Variants in GRIK2 observed in about 807,000 individuals in gnomAD.
The protein encoded by GRIK2 is glutamate receptor ionotropic, kainate 2.
Under a neutral mutation model 100.3 loss-of-function variants are expected in GRIK2, and 32 were observed. The observed-to-expected ratio is 0.32, with a 90% confidence interval of 0.24 to 0.43. The LOEUF (loss-of-function observed/expected upper bound fraction) is 0.43, where lower values mean the gene tolerates loss of function less well. Among genes scored for constraint, GRIK2 ranks in the 20% least tolerant of loss-of-function variants. The pLI is 1.00. For missense variants in GRIK2, 843 were observed against 1,114.9 expected (o/e 0.76, Z 3.47); for synonymous variants, 417 against 389.4 (o/e 1.07, Z -0.83).
rs534932642 is a variant in GRIK2, at chr6:101,746,550, C to T, written c.952-53098C>T. 7.4e-4 allele frequency among the ~76,000 whole-genome samples: 113 copies of T among 152,224 alleles called. 2 individuals carry two copies. In the South Asian group the frequency reaches 0.022, roughly 30 times the overall value. ...CCATGTTGGCCAGGCTGGTCTTGAA[C>T]TCCTGACCTCAACTAATCAGCTCAC... On this transcript the variant is annotated intron_variant, in intron 7 of 16. Coordinates refer to ENST00000369134, the MANE Select transcript of GRIK2 (RefSeq NM_021956.5).
intron 2 of GRIK2, among the ~76,000 whole-genome samples, chr6:101,510,540 T>G (rs1401637382): frequency 3.0e-5 from 3 of 101,436 alleles, no homozygotes; most frequent in African/African-American, 1.3e-4. Flanking sequence ...TTTTTTTTTT[T>G]GAGATTGAGT....
intron 7 of GRIK2, among the ~76,000 whole-genome samples, chr6:101,770,167 G>A (rs778283186): frequency 6.6e-6 from 1 of 152,084 alleles, no homozygotes; most frequent in Non-Finnish European, 1.5e-5. Context: ...TATCGTTACT[G>A]CCTTGTTTTT....
intron 7 of GRIK2, among the ~76,000 whole-genome samples, chr6:101,749,145 G>T (rs1776626058): frequency 6.6e-6 from 1 of 152,178 alleles, no homozygotes; most frequent in Admixed American, 6.5e-5. Flanking sequence ...GTCTGCCTCT[G>T]TCACCCAGGT....
chr6:102,054,823 G>A (rs557559564), intron 15 of GRIK2, among the ~76,000 whole-genome samples: 2 of 152,156 alleles, frequency 1.3e-5, no homozygotes, highest in East Asian at 3.9e-4. Context: ...ACAGATACTA[G>A]TGACTGCCCA....
In GRIK2 at chr6:101,399,224, A is replaced by G. The variant is rs1775144935; in HGVS notation, c.-54A>G. On this transcript the variant is annotated 5_prime_UTR_variant, in exon 2 of 17. Transcript: ENST00000369134. ...ATCCTCATTTCTACCCGAACCCAGG[A>G]GCCGAACGCTAGATCGGGGAAGTGG... 1.2e-6 allele frequency: 1 copy of G among 859,314 alleles called. No individual in the cohort carries two copies. The highest frequency in any genetic ancestry group is 1.6e-5 in the African/African-American group (1 of 60,652). 53.2% of individuals were successfully genotyped at this position (859,314 alleles called of 1,614,324 possible).
intron 2 of GRIK2, among the ~76,000 whole-genome samples, chr6:101,481,501 C>A (rs1772526965): frequency 6.6e-6 from 1 of 152,026 alleles, no homozygotes; most frequent in African/African-American, 2.4e-5. Context: ...CAAAACTATG[C>A]TTTACTATGA....
chr6:101,738,328 T>C (rs1775809851), intron 7 of GRIK2, among the ~76,000 whole-genome samples: 1 of 152,072 alleles, frequency 6.6e-6, no homozygotes. Flanking sequence ...TATGTATATA[T>C]ACTCCTGAAA....
At chr6:101,595,361 A>G (rs1778868495) in intron 2 of GRIK2, among the ~76,000 whole-genome samples, 2 of 151,582 alleles carry the variant, frequency 1.3e-5, no homozygotes, top group Non-Finnish European at 3.0e-5. Context: ...TCTGCTTTGT[A>G]AAAGCACAAA....
chr6:101,394,955 A>G (rs1774947873), intron 1 of GRIK2, among the ~76,000 whole-genome samples: 1 of 152,234 alleles, frequency 6.6e-6, no homozygotes, highest in African/African-American at 2.4e-5. Flanking sequence ...TAAAAAAAAA[A>G]GTTCTGGGAT....
intron 3 of GRIK2, among the ~76,000 whole-genome samples, chr6:101,623,357 G>T (rs1780261720): frequency 6.6e-6 from 1 of 152,040 alleles, no homozygotes; most frequent in African/African-American, 2.4e-5. Flanking sequence ...GTGATGAAAG[G>T]TTTTGAAGAC....
At chr6:101,851,337 GCTGTTTT>G (rs1462361697) in intron 10 of GRIK2, among the ~76,000 whole-genome samples, 4 of 151,918 alleles carry the variant, frequency 2.6e-5, no homozygotes, top group African/African-American at 9.7e-5. Context: ...CAATTATATT[GCTGTTTT>G]CACTTATTGC....
chr6:101,470,798 A>G (rs760518613), intron 2 of GRIK2, among the ~76,000 whole-genome samples: 6 of 152,158 alleles, frequency 3.9e-5, no homozygotes, highest in Admixed American at 1.3e-4. Context: ...TCATCAATGC[A>G]AGAAAAATGT....
intron 12 of GRIK2, among the ~76,000 whole-genome samples, chr6:101,893,812 T>C (rs1480009064): frequency 6.6e-6 from 1 of 151,756 alleles, no homozygotes; most frequent in East Asian, 1.9e-4. Context: ...AATCCCAGAA[T>C]GAACCCAACT....
intron 2 of GRIK2, among the ~76,000 whole-genome samples, chr6:101,407,110 C>T (rs747174317): frequency 6.6e-6 from 1 of 152,066 alleles, no homozygotes; most frequent in Non-Finnish European, 1.5e-5. Flanking sequence ...ATATTCATAG[C>T]TATTTGGTCT....
intron 11 of GRIK2, among the ~76,000 whole-genome samples, chr6:101,879,434 T>C (rs1249428268): frequency 1.3e-5 from 2 of 151,996 alleles, no homozygotes; most frequent in South Asian, 2.1e-4. Context: ...ATTTTGGGAA[T>C]GGACTCATAG....
chr6:101,663,828 C>A (rs1025049579), intron 4 of GRIK2, among the ~76,000 whole-genome samples: 2 of 152,144 alleles, frequency 1.3e-5, no homozygotes, highest in East Asian at 1.9e-4. Context: ...GTAGTTCAGG[C>A]GAGGCTGCTT....
chr6:101,774,349 G>A (rs958372917), intron 7 of GRIK2, among the ~76,000 whole-genome samples: 1 of 152,140 alleles, frequency 6.6e-6, no homozygotes, highest in Non-Finnish European at 1.5e-5. Context: ...AAGATAATTG[G>A]ATGTATTGGA....
At chr6:101,449,911 G>A (rs1254201152) in intron 2 of GRIK2, among the ~76,000 whole-genome samples, 2 of 151,530 alleles carry the variant, frequency 1.3e-5, no homozygotes, top group African/African-American at 4.8e-5. Flanking sequence ...ATAAAGCATT[G>A]GGAAAAAGCT....
rs1003783707 is a variant in GRIK2 at position 101,792,614 on chromosome 6, G to A, written c.952-7034G>A. Among the ~76,000 whole-genome samples, 1,118 of 152,186 alleles carry A rather than the reference G, an allele frequency of 7.3e-3. 14 individuals carry two copies. The highest frequency in any genetic ancestry group is 0.026 in the African/African-American group (1,062 of 41,510). On this transcript the variant is annotated intron_variant, in intron 7 of 16. Transcript: ENST00000369134. ...ATGGGCTTCCCTTTGAGGGTAACCC[G>A]ACCTTTCTCTCTGGCTGCCGTTAAC...
Sources: allele counts gnomAD v4.1 joint callset (sites outside exome capture counted in the v4.1 genomes callset), GRCh38; gene constraint gnomAD v4.1.1; transcripts MANE v1.5; gene names NCBI Gene and HGNC (gene_info 2026-07-23, HGNC 2026-07-21).